LARGE1: variants seen among roughly 807,000 people sequenced by gnomAD.
LARGE1 encodes xylosyl- and glucuronyltransferase LARGE1.
A neutral mutation model predicts 87.6 loss-of-function variants in LARGE1; 43 were observed. The observed-to-expected ratio is 0.49, with a 90% CI of 0.38 to 0.63. LARGE1 has a LOEUF of 0.63. LARGE1 is among the 30% of genes least tolerant of loss of function. The pLI is 0.00. For synonymous variants in LARGE1, 434 were observed against 394.6 expected (o/e 1.10, Z -1.18); for missense variants, 802 against 1,000.2 (o/e 0.80, Z 2.67).
chr22:33,921,168 G>A (rs926198859), upstream of LARGE1, among the ~76,000 whole-genome samples: 30 of 151,970 alleles, frequency 2.0e-4, no homozygotes, highest in African/African-American at 7.0e-4. This position sits in a 1 kb window ranked among gnomAD's most constrained non-coding sequence, Gnocchi z 4.1. Flanking sequence ...CCGAGAGTTC[G>A]CCCCCGCACA....
At chr22:33,876,646 G>A (rs1302192729) in intron 1 of LARGE1, among the ~76,000 whole-genome samples, 2 of 151,738 alleles carry the variant, frequency 1.3e-5, no homozygotes, top group African/African-American at 2.4e-5. Context: ...AGGGCCTGTC[G>A]GGGTGCGGGG....
upstream of LARGE1, chr22:33,920,506 C>CA (rs1555893352): frequency 9.7e-5 from 14 of 144,468 alleles, no homozygotes; most frequent in East Asian, 2.9e-3. Context: ...CGCGGCGGCG[C>CA]GGGGGGGGCT....
At chr22:33,521,029 A>G (rs1602234609) in intron 6 of LARGE1, among the ~76,000 whole-genome samples, 1 of 152,226 alleles carries the variant, frequency 6.6e-6, no homozygotes, top group South Asian at 2.1e-4. Context: ...AGCGCTTGCC[A>G]AAGAGGAGCC....
intron 7 of LARGE1, among the ~76,000 whole-genome samples, chr22:33,419,661 A>T (rs1400632177): frequency 8.5e-6 from 1 of 118,044 alleles, no homozygotes; most frequent in South Asian, 2.5e-4. Context: ...TGGCCAGATG[A>T]ATCTTTGTTT....
rs551138520 is a variant in LARGE1, at chr22:33,870,490, G to A, written c.-83+49505C>T. 1.6e-3 allele frequency among the ~76,000 whole-genome samples: 243 copies of A among 152,268 alleles called. 1 individual carries two copies. The highest frequency in any genetic ancestry group is 3.1e-3 in the South Asian group (15 of 4,816). ...GACAGGTATCAACATGGTACCAAGT[G>A]CTTTACAGACAAACTCATTTTATTC... On this transcript the variant is annotated intron_variant, in intron 1 of 14. Transcript: ENST00000397394.
chr22:33,854,989 C>T (rs892327914), intron 1 of LARGE1, among the ~76,000 whole-genome samples: 1 of 152,128 alleles, frequency 6.6e-6, no homozygotes, highest in African/African-American at 2.4e-5. Flanking sequence ...AGAGAGAGAG[C>T]ACTTTCCAGC....
the LARGE1 span, among the ~76,000 whole-genome samples, chr22:33,092,822 C>T: frequency 2.3e-3 from 350 of 152,288 alleles, 4 homozygotes; most frequent in African/African-American, 8.2e-3. Context: ...TTTATGGCTG[C>T]ATAGAGTCTC....
chr22:33,890,592 A>T (rs958111029), intron 1 of LARGE1, among the ~76,000 whole-genome samples: 5 of 152,236 alleles, frequency 3.3e-5, no homozygotes, highest in Admixed American at 1.3e-4. Context: ...GTTGAGAATC[A>T]TCAAGAAATT....
At chr22:33,376,374 C>A (rs1315721159) in intron 9 of LARGE1, among the ~76,000 whole-genome samples, 1 of 152,144 alleles carries the variant, frequency 6.6e-6, no homozygotes, top group African/African-American at 2.4e-5. Context: ...ATGCAGTTAC[C>A]ACAAATGGGA....
chr22:33,877,060 C>T (rs1278755161), intron 1 of LARGE1, among the ~76,000 whole-genome samples: 1 of 152,158 alleles, frequency 6.6e-6, no homozygotes, highest in Non-Finnish European at 1.5e-5. Context: ...GTGATCATCA[C>T]ATCCAGTGAC....
In LARGE1 at chr22:33,347,001, A is replaced by G. The variant is rs531841800; in HGVS notation, c.1132-9200T>C. Among the ~76,000 whole-genome samples, 5 of 152,334 alleles carry G rather than the reference A, an allele frequency of 3.3e-5. No individual in the cohort carries two copies. In the East Asian group the frequency reaches 9.6e-4, roughly 29 times the overall value. The stretch of plus-strand genomic sequence containing the variant: ...AAACAGAGATGTGATGACTAGAACC[A>G]TGACAGCCATCTTGTGACCATGAGA... On this transcript the variant is annotated intron_variant, in intron 9 of 14. Transcript: ENST00000397394.
At chr22:33,883,450 C>T (rs142684690) in intron 1 of LARGE1, among the ~76,000 whole-genome samples, 5 of 152,318 alleles carry the variant, frequency 3.3e-5, no homozygotes, top group East Asian at 1.9e-4. Context: ...TACAGCCCTC[C>T]GCAGTCTCCC....
chr22:33,125,848 A>G, the LARGE1 span, among the ~76,000 whole-genome samples: 6 of 152,136 alleles, frequency 3.9e-5, no homozygotes, highest in African/African-American at 9.7e-5. Flanking sequence ...CCTGGGTTCA[A>G]GCGATTCTCG....
rs568299077 is a variant in LARGE1 at position 33,790,984 on chromosome 22, A to G, written c.-82-29426T>C. Among the ~76,000 whole-genome samples, 4 of 152,356 alleles carry G rather than the reference A, an allele frequency of 2.6e-5. No individual in the cohort carries two copies. In the South Asian group the frequency reaches 6.2e-4, roughly 24 times the overall value. On this transcript the variant is annotated intron_variant, in intron 1 of 14. Coordinates refer to ENST00000397394, the MANE Select transcript of LARGE1 (RefSeq NM_133642.5). The stretch of plus-strand genomic sequence containing the variant: ...AGGTGAACACCAGGTAAATTCTACC[A>G]AAAACAACGGCAGTAACTTTTCATT...
the LARGE1 span, among the ~76,000 whole-genome samples, chr22:33,139,478 ATTCTTTTTT>A: frequency 1.7e-4 from 25 of 151,030 alleles, no homozygotes; most frequent in Non-Finnish European, 3.1e-4. Flanking sequence ...ATTTTCCCTC[ATTCTTTTTT>A]TCCTTCTTAG....
intron 2 of LARGE1, among the ~76,000 whole-genome samples, chr22:33,689,255 T>G (rs1374602254): frequency 2.0e-5 from 3 of 151,948 alleles, no homozygotes; most frequent in Non-Finnish European, 4.4e-5. Flanking sequence ...ATCTCAGAAC[T>G]TTCCTGACTC....
chr22:33,103,019 C>A, the LARGE1 span, among the ~76,000 whole-genome samples: 1 of 152,122 alleles, frequency 6.6e-6, no homozygotes, highest in Non-Finnish European at 1.5e-5. Context: ...CCTAGGATCT[C>A]CCGCGGCCCC....
intron 1 of LARGE1, among the ~76,000 whole-genome samples, chr22:33,848,740 A>T (rs2267304): frequency 0.4 from 60,857 of 151,822 alleles, 12,271 homozygotes; most frequent in Admixed American, 0.51. Context: ...TCAAGACAAG[A>T]CCCTTTAATG....
intron 11 of LARGE1, among the ~76,000 whole-genome samples, chr22:33,209,199 A>G (rs1602095471): frequency 1.3e-5 from 2 of 152,366 alleles, no homozygotes; most frequent in East Asian, 3.9e-4. Flanking sequence ...TGAACGAAAC[A>G]AGTCACATTT....
Sources: gnomAD v4.1 joint callset for allele counts (sites outside exome capture counted in the v4.1 genomes callset) on GRCh38, gnomAD v4.1.1 for gene constraint, Gnocchi (gnomAD v3.1) non-coding constraint, MANE v1.5 for transcripts, NCBI Gene and HGNC (gene_info 2026-07-23, HGNC 2026-07-21) for gene names.